Variants in NRG1 observed in about 807,000 individuals in gnomAD.
The protein encoded by NRG1 is neuregulin 1.
In NRG1, 18 loss-of-function variants were observed where a neutral mutation model predicts 63.8. The ratio of observed to expected loss-of-function variants is 0.28; its 90% CI spans 0.19 to 0.42. The LOEUF is 0.42. NRG1 is among the 10% of genes least tolerant of loss of function. The pLI, the probability that NRG1 is intolerant of heterozygous loss-of-function variation, is 1.00. For synonymous variants in NRG1, 302 were observed against 301.3 expected, an observed-to-expected ratio of 1.00 and a Z score of -0.02; for missense variants, 762 against 814.7, an observed-to-expected ratio of 0.94 and a Z score of 0.79.
upstream of NRG1, among the ~76,000 whole-genome samples, chr8:32,544,647 G>C (rs1465951365): frequency 1.3e-5 from 2 of 150,526 alleles, no homozygotes; most frequent in African/African-American, 4.9e-5. Context: ...GGACTACAGG[G>C]GAGCACCACT....
intron 1 of NRG1, among the ~76,000 whole-genome samples, chr8:31,689,760 C>A (rs1809300466): frequency 6.6e-6 from 1 of 152,060 alleles, no homozygotes; most frequent in South Asian, 2.1e-4. Flanking sequence ...TTGATAAAAA[C>A]CAATAAAAAT....
exon 12 of NRG1, chr8:32,767,854 G>T (rs562211867): frequency 6.6e-6 from 1 of 152,074 alleles, no homozygotes; most frequent in African/African-American, 2.4e-5. Context: ...ATAAACTAAA[G>T]AATTTATTAT....
chr8:31,996,597 G>A (rs1812007121), intron 1 of NRG1, among the ~76,000 whole-genome samples: 1 of 151,838 alleles, frequency 6.6e-6, no homozygotes, highest in Admixed American at 6.6e-5. Context: ...AAATTAGCCA[G>A]GTATGGTAGC....
intron 1 of NRG1, among the ~76,000 whole-genome samples, chr8:32,052,691 AC>A (rs759443768): frequency 7.9e-5 from 12 of 152,162 alleles, no homozygotes; most frequent in Admixed American, 5.2e-4. Flanking sequence ...AAGAATGAGA[AC>A]CCTTAGTTTA....
At chr8:32,386,370 C>T (rs1188172020) in intron 1 of NRG1, among the ~76,000 whole-genome samples, 1 of 152,192 alleles carries the variant, frequency 6.6e-6, no homozygotes, top group East Asian at 1.9e-4. Flanking sequence ...CCCAGACTTT[C>T]CTCCCTCCGT....
chr8:32,220,420 C>T (rs1845688092), intron 1 of NRG1, among the ~76,000 whole-genome samples: 1 of 150,598 alleles, frequency 6.6e-6, no homozygotes, highest in South Asian at 2.2e-4. Context: ...ATATAAGGGA[C>T]GGAGCGGAGC....
intron 1 of NRG1, among the ~76,000 whole-genome samples, chr8:32,522,209 C>T (rs540947768): frequency 6.6e-6 from 1 of 152,296 alleles, no homozygotes; most frequent in African/African-American, 2.4e-5. Context: ...CTGTCTTGCT[C>T]CATGACCTCC....
intron 1 of NRG1, among the ~76,000 whole-genome samples, chr8:32,242,197 C>T (rs1177547064): frequency 6.6e-6 from 1 of 152,106 alleles, no homozygotes; most frequent in Non-Finnish European, 1.5e-5. Flanking sequence ...ACGCCTAGGC[C>T]AGGCACAATG....
intron 1 of NRG1, among the ~76,000 whole-genome samples, chr8:31,665,909 C>T (rs746109798): frequency 7.9e-5 from 12 of 152,110 alleles, no homozygotes; most frequent in Non-Finnish European, 1.8e-4. Context: ...TCAGTTACAC[C>T]GCTACTGCCA....
intron 1 of NRG1, among the ~76,000 whole-genome samples, chr8:32,040,578 G>A (rs969217833): frequency 1.5e-5 from 2 of 132,660 alleles, no homozygotes; most frequent in Non-Finnish European, 3.2e-5. Context: ...TGTTTGTCTG[G>A]TTGTGTGTGT....
At chr8:31,832,248 A>G (rs937545795) in intron 1 of NRG1, among the ~76,000 whole-genome samples, 5 of 112,996 alleles carry the variant, frequency 4.4e-5, no homozygotes, top group African/African-American at 1.1e-4. Flanking sequence ...TAAATGCTCT[A>G]GTTTTTTTTT....
intron 1 of NRG1, among the ~76,000 whole-genome samples, chr8:31,928,001 A>AG (rs1174850931): frequency 2.0e-5 from 3 of 150,922 alleles, no homozygotes; most frequent in African/African-American, 7.3e-5. Context: ...TATTTAAAAA[A>AG]AAAAAAAAAA....
chr8:32,734,468 A>G (rs972521975), intron 6 of NRG1, among the ~76,000 whole-genome samples: 3 of 152,186 alleles, frequency 2.0e-5, no homozygotes, highest in Non-Finnish European at 4.4e-5. Context: ...TGCTGCTAAC[A>G]CCAATACCAG....
At chr8:32,176,871 CT>C (rs1337766584) in intron 1 of NRG1, among the ~76,000 whole-genome samples, 4 of 152,124 alleles carry the variant, frequency 2.6e-5, no homozygotes, top group African/African-American at 9.7e-5. Flanking sequence ...CACTTTTACA[CT>C]GTTGGTGGGA....
chr8:32,098,878 A>G (rs1330785325), intron 1 of NRG1: 1 of 152,220 alleles, frequency 6.6e-6, no homozygotes, highest in Admixed American at 6.5e-5. Context: ...GACCTTCCAC[A>G]TAACCATGGG....
chr8:32,281,995 T>C (rs1430446857), intron 1 of NRG1, among the ~76,000 whole-genome samples: 1 of 152,122 alleles, frequency 6.6e-6, no homozygotes, highest in Non-Finnish European at 1.5e-5. Flanking sequence ...GGCTTTAAGC[T>C]TCAAGTCAAG....
chr8:32,764,556 T>TG, exon 12 of NRG1: 2 of 682,204 alleles, frequency 2.9e-6, no homozygotes, highest in Non-Finnish European at 4.4e-6. Context: ...TGTAAAAATG[T>TG]GTTATGTGCC....
intron 1 of NRG1, among the ~76,000 whole-genome samples, chr8:31,984,618 C>T (rs1427756160): frequency 6.6e-6 from 1 of 152,110 alleles, no homozygotes; most frequent in Non-Finnish European, 1.5e-5. Flanking sequence ...CAATTAAGAG[C>T]TGCATGATGC....
intron 1 of NRG1, among the ~76,000 whole-genome samples, chr8:32,286,442 T>G (rs1416338069): frequency 6.6e-6 from 1 of 152,162 alleles, no homozygotes; most frequent in East Asian, 1.9e-4. Context: ...ACTGGTGAAA[T>G]AGTTTGGATA....
Sources: gnomAD v4.1 joint callset for allele counts (sites outside exome capture counted in the v4.1 genomes callset) on GRCh38, gnomAD v4.1.1 for gene constraint, MANE v1.5 for transcripts, NCBI Gene and HGNC (gene_info 2026-07-23, HGNC 2026-07-21) for gene names.